Variants in CLCN5 observed in about 807,000 individuals in gnomAD.
CLCN5 encodes Cl-/H+ antiporter 5.
Under a neutral mutation model 54.0 loss-of-function variants are expected in CLCN5, and 17 were observed. The observed-to-expected ratio is 0.31, with a 90% CI of 0.22 to 0.47. CLCN5 has a LOEUF of 0.47. CLCN5 is among the 20% of genes least tolerant of loss of function. The pLI, the probability that CLCN5 is intolerant of heterozygous loss-of-function variation, is 1.00. For synonymous variants in CLCN5, 222 were observed against 233.0 expected (o/e 0.95, Z 0.43); for missense variants, 448 against 646.7 (o/e 0.69, Z 3.33).
intron 3 of CLCN5, among the ~76,000 whole-genome samples, chrX:49,947,699 TTTC>T (rs1170804311): frequency 9.0e-6 from 1 of 111,366 alleles, no homozygotes; most frequent in Non-Finnish European, 1.9e-5. Flanking sequence ...TTTCTTCTGG[TTTC>T]TTCTTCTCTT....
At chrX:50,065,824 A>G (rs1235510348) in intron 4 of CLCN5, among the ~76,000 whole-genome samples, 1 of 102,136 alleles carries the variant, frequency 9.8e-6, no homozygotes, top group Non-Finnish European at 2.0e-5. Context: ...ATGGAATACT[A>G]TGCAGCCATA....
At chrX:50,075,034 A>G in intron 6 of CLCN5, among the ~76,000 whole-genome samples, 1 of 111,914 alleles carries the variant, frequency 8.9e-6, no homozygotes. Flanking sequence ...TCCATTTCCC[A>G]TCATTTTCTT....
rs950949798 is a variant in CLCN5, at chrX:50,090,740, A to G, written c.2214A>G (p.Pro738=). ...TTTATTTCACGGAGCATTCTCCTCC[A>G]TTGCCACCATACACTCCACCCACTC... ...SIIYFTEHSP[P]LPPYTPPTLK... The change falls in exon 14 of 15, where the codon CCA becomes CCG. Residue 738 remains proline (P), a synonymous_variant. Transcript: ENST00000376091. 2.5e-6 allele frequency: 3 copies of G among 1,208,747 alleles called. No individual in the cohort carries two copies. The highest frequency in any genetic ancestry group is 1.8e-5 in the African/African-American group (1 of 56,976).
intron 3 of CLCN5, among the ~76,000 whole-genome samples, chrX:49,940,682 T>C (rs1926279908): frequency 8.9e-6 from 1 of 112,189 alleles, no homozygotes; most frequent in Non-Finnish European, 1.9e-5. Flanking sequence ...GGCTACAGGA[T>C]TGTATTTCAC....
intron 3 of CLCN5, among the ~76,000 whole-genome samples, chrX:49,981,458 C>T (rs1032250577): frequency 1.8e-5 from 2 of 111,505 alleles, no homozygotes; most frequent in African/African-American, 6.5e-5. Context: ...ATCAAACAAA[C>T]AAAACTACAT....
intron 3 of CLCN5, among the ~76,000 whole-genome samples, chrX:49,970,238 C>T (rs916307918): frequency 9.0e-6 from 1 of 111,368 alleles, no homozygotes; most frequent in African/African-American, 3.3e-5. Flanking sequence ...TTTTTTACAC[C>T]ATTTATACTT....
intron 3 of CLCN5, 47 bp from the exon 4 acceptor site, chrX:50,042,269 G>A: frequency 1.4e-6 from 1 of 702,732 alleles, no homozygotes; most frequent in Non-Finnish European, 2.0e-6. Context: ...ACGTGTAAGG[G>A]ACTTGAAGAT....
At chrX:49,985,885 T>A (rs1928972995) in intron 3 of CLCN5, among the ~76,000 whole-genome samples, 1 of 111,884 alleles carries the variant, frequency 8.9e-6, no homozygotes, top group South Asian at 3.7e-4. Context: ...CAATTTCTAA[T>A]TAATATTTAA....
At chrX:50,018,279 G>A (rs1466795008) in intron 3 of CLCN5, among the ~76,000 whole-genome samples, 4 of 112,104 alleles carry the variant, frequency 3.6e-5, no homozygotes, top group African/African-American at 1.3e-4. Context: ...GTCATTGCTA[G>A]TGTATGAGAA....
intron 3 of CLCN5, among the ~76,000 whole-genome samples, chrX:50,029,474 A>G (rs1442576388): frequency 9.0e-6 from 1 of 111,133 alleles, no homozygotes; most frequent in African/African-American, 3.3e-5. Flanking sequence ...CCTACAAAGG[A>G]CATGAACTCA....
intron 4 of CLCN5, 23 bp from the exon 5 acceptor site, chrX:50,069,856 T>C: frequency 8.5e-7 from 1 of 1,179,776 alleles, no homozygotes; most frequent in Admixed American, 2.4e-5. Flanking sequence ...GAAGTACTAA[T>C]GTCTATTTCT....
At position 50,064,229 on chromosome X, in the gene CLCN5, T is replaced by A. The variant is rs1435708827; in HGVS notation, c.164-5650T>A. ...AAGAGGAAGTCAAATTGTCCCTGTT[T>A]GCAGATGACATGATTGTATATCTAT... On this transcript the variant is annotated intron_variant, in intron 4 of 14. Coordinates refer to ENST00000376091, the MANE Select transcript of CLCN5 (RefSeq NM_001127898.4). Among the ~76,000 whole-genome samples the A allele has an allele frequency of 3.6e-5, 4 of 111,210 alleles. No homozygotes were observed. The East Asian group carries it at 1.1e-3, about 31-fold the overall frequency.
chrX:50,005,090 T>A (rs1224303425), intron 3 of CLCN5, among the ~76,000 whole-genome samples: 1 of 111,967 alleles, frequency 8.9e-6, no homozygotes, highest in Non-Finnish European at 1.9e-5. Flanking sequence ...TATTTTTTCT[T>A]TCCTTATAAT....
At chrX:49,952,737 A>G (rs1485112524) in intron 3 of CLCN5, among the ~76,000 whole-genome samples, 1 of 112,087 alleles carries the variant, frequency 8.9e-6, no homozygotes, top group Non-Finnish European at 1.9e-5. Flanking sequence ...ATTAAAAATA[A>G]ATGTAATATG....
At chrX:50,089,283 A>G (rs1934000913) in intron 12 of CLCN5, among the ~76,000 whole-genome samples, 1 of 112,185 alleles carries the variant, frequency 8.9e-6, no homozygotes, top group African/African-American at 3.2e-5. Context: ...TTAATTGTTA[A>G]TATGTTTAAC....
At chrX:49,962,905 A>G (rs892955984) in intron 3 of CLCN5, among the ~76,000 whole-genome samples, 3 of 111,893 alleles carry the variant, frequency 2.7e-5, no homozygotes, top group Admixed American at 1.9e-4. Flanking sequence ...AGCATGAGCT[A>G]ACAATCCAGT....
intron 3 of CLCN5, among the ~76,000 whole-genome samples, chrX:50,006,879 T>C (rs1569538542): frequency 9.0e-6 from 1 of 111,615 alleles, no homozygotes; most frequent in East Asian, 2.8e-4. Flanking sequence ...CTAGCACATA[T>C]AGGAGGATAA....
intron 7 of CLCN5, among the ~76,000 whole-genome samples, chrX:50,080,184 CTTCAGATGTGAAGCCAAGG>C (rs1211300882): frequency 9.0e-6 from 1 of 111,676 alleles, no homozygotes; most frequent in Non-Finnish European, 1.9e-5. Flanking sequence ...CCGCTCTTCA[CTTCAGATGTGAAGCCAAGG>C]TTCAGCCATT....
intron 4 of CLCN5, among the ~76,000 whole-genome samples, chrX:50,056,019 TTAAG>T (rs3059846): frequency 0.14 from 15,421 of 108,814 alleles, 1,161 homozygotes; most frequent in Admixed American, 0.28. Context: ...AACTGTGTCT[TTAAG>T]TAATTCCCAC....
Sources: allele counts gnomAD v4.1 joint callset (sites outside exome capture counted in the v4.1 genomes callset), GRCh38; gene constraint gnomAD v4.1.1; transcripts MANE v1.5; gene names NCBI Gene and HGNC (gene_info 2026-07-23, HGNC 2026-07-21).